The following COG5 variants were observed in gnomAD, a reference collection of about 807,000 sequenced individuals.
COG5 encodes component of oligomeric golgi complex 5.
COG5 carries 86 observed loss-of-function variants against 110.4 expected under a neutral mutation model. That is an observed-to-expected ratio of 0.78 (90% confidence interval 0.65 to 0.93). COG5 has a LOEUF of 0.93. COG5 is among the 40% of genes least tolerant of loss of function. The pLI, the probability that COG5 is intolerant of heterozygous loss-of-function variation, is 0.00. For missense variants in COG5, 1,077 were observed against 987.0 expected (o/e 1.09, Z -1.22); for synonymous variants, 360 against 334.6 (o/e 1.08, Z -0.83).
intron 1 of COG5, among the ~76,000 whole-genome samples, chr7:107,560,364 G>A (rs987803716): frequency 1.5e-4 from 23 of 152,194 alleles, no homozygotes; most frequent in African/African-American, 5.5e-4. Context: ...GTGGCACTAA[G>A]AATGTCAAAG....
At chr7:107,504,886 T>G (rs2129138993) in intron 6 of COG5, among the ~76,000 whole-genome samples, 1 of 152,326 alleles carries the variant, frequency 6.6e-6, no homozygotes, top group South Asian at 2.1e-4. Context: ...GAATCTTCTT[T>G]TTTTTCTTGG....
At chr7:107,337,321 T>C (rs952879315) in intron 10 of COG5, among the ~76,000 whole-genome samples, 3 of 152,152 alleles carry the variant, frequency 2.0e-5, no homozygotes, top group Non-Finnish European at 2.9e-5. Flanking sequence ...GAAAAGGATA[T>C]AGTGTATCAA....
chr7:107,304,473 C>A (rs1295595715), intron 11 of COG5, among the ~76,000 whole-genome samples: 1 of 152,100 alleles, frequency 6.6e-6, no homozygotes, highest in African/African-American at 2.4e-5. Context: ...ACTGAATGAA[C>A]AAATGAATTG....
intron 21 of COG5, among the ~76,000 whole-genome samples, chr7:107,205,363 C>T (rs1434099815): frequency 6.6e-6 from 1 of 152,180 alleles, no homozygotes; most frequent in Non-Finnish European, 1.5e-5. Context: ...CCTTTCTGTG[C>T]TACTGCTGGG....
intron 19 of COG5, among the ~76,000 whole-genome samples, chr7:107,214,836 C>A (rs762614298): frequency 6.6e-6 from 1 of 151,114 alleles, no homozygotes; most frequent in Admixed American, 6.6e-5. Context: ...TCATGAGAAT[C>A]GCTTGAACGG....
intron 14 of COG5, among the ~76,000 whole-genome samples, chr7:107,259,877 C>A (rs1004527954): frequency 6.6e-6 from 1 of 151,956 alleles, no homozygotes; most frequent in African/African-American, 2.4e-5. Context: ...AAAGTATAGA[C>A]AGGTCCAAGT....
At chr7:107,265,059 G>C (rs760471376) in intron 14 of COG5, among the ~76,000 whole-genome samples, 1 of 151,930 alleles carries the variant, frequency 6.6e-6, no homozygotes, top group Non-Finnish European at 1.5e-5. Flanking sequence ...GTATCTAAAA[G>C]GTTTACTTGT....
At chr7:107,505,688 A>G (rs1181404370) in intron 6 of COG5, among the ~76,000 whole-genome samples, 6 of 152,222 alleles carry the variant, frequency 3.9e-5, no homozygotes, top group East Asian at 3.9e-4. Context: ...TGGCAACTGT[A>G]TTTCTCCTGA....
At chr7:107,241,172 G>A (rs1164761162) in intron 17 of COG5, among the ~76,000 whole-genome samples, 1 of 152,124 alleles carries the variant, frequency 6.6e-6, no homozygotes, top group African/African-American at 2.4e-5. Context: ...TTAAAAGTAT[G>A]TGACCACTGT....
intron 5 of COG5, among the ~76,000 whole-genome samples, chr7:107,547,100 G>C (rs971688534): frequency 1.4e-4 from 22 of 152,108 alleles, no homozygotes; most frequent in Admixed American, 1.4e-3. Context: ...CAATATTCCT[G>C]ATCAACACAG....
intron 16 of COG5, among the ~76,000 whole-genome samples, chr7:107,255,666 T>C (rs1258547662): frequency 1.3e-5 from 2 of 152,110 alleles, no homozygotes; most frequent in African/African-American, 4.8e-5. Context: ...ATCTAATAGT[T>C]AAAATTTATT....
chr7:107,231,382 C>T (rs1276462878), intron 18 of COG5, among the ~76,000 whole-genome samples: 4 of 152,180 alleles, frequency 2.6e-5, no homozygotes, highest in South Asian at 2.1e-4. Context: ...TGCTACCTAA[C>T]TCAAGAATTT....
At chr7:107,557,686 T>C (rs1333829495) in intron 2 of COG5, among the ~76,000 whole-genome samples, 2 of 152,252 alleles carry the variant, frequency 1.3e-5, no homozygotes, top group Non-Finnish European at 1.5e-5. Context: ...CCATTTTCTA[T>C]TATCTTTATC....
chr7:107,407,040 G>A (rs187175082), intron 7 of COG5, among the ~76,000 whole-genome samples: 111 of 152,198 alleles, frequency 7.3e-4, no homozygotes, highest in African/African-American at 2.6e-3. Context: ...GTATTTCTTT[G>A]AGAAGTAATT....
intron 14 of COG5, among the ~76,000 whole-genome samples, chr7:107,271,300 ACAAT>A (rs1804249464): frequency 6.6e-6 from 1 of 152,146 alleles, no homozygotes; most frequent in Admixed American, 6.5e-5. Context: ...TAAAAATTTA[ACAAT>A]CAATTGATCA....
chr7:107,250,363 G>A (rs562066504), intron 16 of COG5, among the ~76,000 whole-genome samples: 15 of 152,080 alleles, frequency 9.9e-5, no homozygotes, highest in African/African-American at 2.7e-4. Flanking sequence ...GTGGCCAACT[G>A]AAGGTATGAC....
rs1260015676 is a variant in COG5, at chr7:107,210,589, T to C, written c.2312A>G (p.His771Arg). The stretch of plus-strand genomic sequence containing the variant: ...ATCCAGCCACTGAGAGAAGCGTGTG[T>C]GGGACCACTCTGCCCTCTGCAGGGT... ...KSPFQRAEWSHTRFSQWLDDH... is the reference protein window; with the variant it reads ...KSPFQRAEWSRTRFSQWLDDH... The change falls in exon 21 of 22, where the codon CAC becomes CGC. Residue 771 changes from histidine to arginine, a missense_variant. Transcript: ENST00000297135. The C allele has an allele frequency of 1.9e-6, 3 of 1,603,448 alleles. No homozygotes were observed. Among genetic ancestry groups the C allele is most frequent in the Non-Finnish European group, 2.6e-6 (3 of 1,174,892 alleles).
At chr7:107,383,268 T>C (rs192768304) in intron 7 of COG5, among the ~76,000 whole-genome samples, 16 of 152,124 alleles carry the variant, frequency 1.1e-4, no homozygotes, top group Admixed American at 4.6e-4. Flanking sequence ...CCGAGACACA[T>C]TTTTGTCCCA....
At chr7:107,295,054 CACACACACACACATAT>C (rs1806575097) in intron 12 of COG5, among the ~76,000 whole-genome samples, 1 of 59,278 alleles carries the variant, frequency 1.7e-5, no homozygotes, top group African/African-American at 1.3e-4. Context: ...CACACACACA[CACACACACACACATAT>C]ATATATATAT....
Sources: allele counts gnomAD v4.1 joint callset (sites outside exome capture counted in the v4.1 genomes callset), GRCh38; gene constraint gnomAD v4.1.1; transcripts MANE v1.5; gene names NCBI Gene and HGNC (gene_info 2026-07-23, HGNC 2026-07-21).